Variants in PNPLA5 observed in about 807,000 individuals in gnomAD.
PNPLA5 encodes patatin-like phospholipase domain-containing protein 5.
A neutral mutation model predicts 49.1 loss-of-function variants in PNPLA5; 44 were observed. That is an observed-to-expected ratio of 0.90 (90% CI 0.70 to 1.15). The LOEUF (loss-of-function observed/expected upper bound fraction) is 1.15, where lower values mean the gene tolerates loss of function less well. PNPLA5 is among the 50% of genes most tolerant of loss of function. PNPLA5 has a pLI of 0.00. For synonymous variants in PNPLA5, 243 were observed against 244.4 expected, an observed-to-expected ratio of 0.99 and a Z score of 0.06; for missense variants, 603 against 564.0, an observed-to-expected ratio of 1.07 and a Z score of -0.70.
rs1441207031 is a variant in PNPLA5, at chr22:43,891,934, G to A, written c.-54C>T. On this transcript the variant is annotated 5_prime_UTR_variant, in exon 1 of 9. Transcript: ENST00000216177. ...ACGAGGAAGGGTCACTCCGTGACCC[G>A]GGATAGGGCCGGGATGCAGCCTTGG... is the stretch of plus-strand genomic sequence containing the variant. The A allele has an allele frequency of 2.1e-6, 3 of 1,458,792 alleles. No homozygotes were observed. In the Admixed American group the frequency reaches 8.7e-5, roughly 42 times the overall value. The allele number at this position is 1,458,792 out of a possible 1,614,324, so 90.4% of individuals were successfully genotyped here. A position where few individuals can be genotyped will look rare whatever the true frequency, so the allele number is the denominator to read the frequency against.
chr22:43,889,246 G>A (rs2049696957), intron 4 of PNPLA5, 83 bp downstream of exon 4: 1 of 1,483,730 alleles, frequency 6.7e-7, no homozygotes, highest in Admixed American at 1.8e-5. Context: ...GGGGGGCAGT[G>A]GGGGTTAGGA....
In PNPLA5 at chr22:43,889,522, G is replaced by A; in HGVS notation, c.509C>T (p.Ala170Val). ...EFRGERYIDG[A>V]LSNNLPFADC... ...TGCAAAGGGCAAGTTGTTGCTCAGA[G>A]CCCCATCGATGTAGCGCTGCAATTT... Residue 170 changes from alanine to valine, a missense_variant, in exon 4 of 9, where the codon GCT (alanine) becomes GTT (valine). Coordinates refer to ENST00000216177, the MANE Select transcript of PNPLA5 (RefSeq NM_138814.4). 6.2e-7 allele frequency: 1 copy of A among 1,611,376 alleles called. No individual in the cohort carries two copies. Among genetic ancestry groups the A allele is most frequent in the Non-Finnish European group, 8.5e-7 (1 of 1,178,304 alleles).
At chr22:43,887,792 C>G in intron 4 of PNPLA5, 141 bp from the exon 5 acceptor site, 1 of 1,346,568 alleles carries the variant, frequency 7.4e-7, no homozygotes, top group South Asian at 1.5e-5. Flanking sequence ...CAACAGGGCT[C>G]AGGGCAGGAG....
rs761712168 is a variant in PNPLA5, at chr22:43,889,462, T to C, written c.569A>G (p.His190Arg). The change falls in exon 4 of 9, where the codon CAT (histidine) becomes CGT (arginine). Residue 190 changes from histidine (H) to arginine (R), a missense_variant. Coordinates refer to ENST00000216177, the MANE Select transcript of PNPLA5 (RefSeq NM_138814.4). Reference sequence around the variant, plus strand: ...CTGGGGGCAGATGTCCACTGTCCCATGGAAGGGCGACACCGTGATGGTGGA... The same window carrying C: ...CTGGGGGCAGATGTCCACTGTCCCACGGAAGGGCGACACCGTGATGGTGGA... Reference protein sequence around the residue: ...CPSTITVSPFHGTVDICPQST... With the variant: ...CPSTITVSPFRGTVDICPQST... 9.3e-6 allele frequency: 15 copies of C among 1,613,328 alleles called. No homozygotes were observed. Among genetic ancestry groups the C allele is most frequent in the Non-Finnish European group, 1.3e-5 (15 of 1,179,816 alleles).
Position 43,886,261 on chromosome 22 carries a change from G to A in PNPLA5, c.949+42C>T, listed in dbSNP as rs897536853. On this transcript the variant is annotated intron_variant, in intron 6 of 8. Coordinates refer to ENST00000216177, the MANE Select transcript of PNPLA5 (RefSeq NM_138814.4). Reference sequence around the variant, plus strand: ...GGTCCCTGAGCCCGGGCCCCTGAGTGCAGGGCCCTGGTAGGTGAGCAAATG... The same window carrying A: ...GGTCCCTGAGCCCGGGCCCCTGAGTACAGGGCCCTGGTAGGTGAGCAAATG... 2 of 1,578,514 alleles carry A rather than the reference G, an allele frequency of 1.3e-6. 1 individual carries two copies. Among genetic ancestry groups the A allele is most frequent in the South Asian group, 2.4e-5 (2 of 84,454 alleles).
Position 43,891,848 on chromosome 22 carries a change from G to A in PNPLA5, c.33C>T (p.Asn11=). ...GGTAGCCGGCGCCGGAGAAGGACAG[G>A]TTCCATCTGCCCTCCTCCTCTAAGA... The part of the protein sequence containing the change: MGFLEEEGRW[N]LSFSGAGYLG... The change falls in exon 1 of 9, where the codon AAC becomes AAT. Residue 11 remains asparagine (N), a synonymous_variant. Coordinates refer to ENST00000216177, the MANE Select transcript of PNPLA5 (RefSeq NM_138814.4). 1 of 1,522,740 alleles carries A rather than the reference G, an allele frequency of 6.6e-7. No individual in the cohort carries two copies. The highest frequency in any genetic ancestry group is 2.5e-5 in the East Asian group (1 of 40,282). 94.3% of individuals were successfully genotyped at this position (1,522,740 alleles called of 1,614,324 possible).
chr22:43,891,918 G>T lies in PNPLA5; in HGVS notation c.-38C>A, dbSNP rs993695185. On this transcript the variant is annotated 5_prime_UTR_variant, in exon 1 of 9. Transcript: ENST00000216177. Reference sequence around the variant, plus strand: ...GGGCGGGGTGATCGGGACGAGGAAGGGTCACTCCGTGACCCGGGATAGGGC... The same window carrying T: ...GGGCGGGGTGATCGGGACGAGGAAGTGTCACTCCGTGACCCGGGATAGGGC... 6.0e-6 allele frequency: 9 copies of T among 1,494,218 alleles called. No individual in the cohort carries two copies. Among genetic ancestry groups the T allele is most frequent in the South Asian group, 1.3e-5 (1 of 77,068 alleles). The allele number at this position is 1,494,218 out of a possible 1,614,324, so 92.6% of individuals were successfully genotyped here. A position where few individuals can be genotyped will look rare whatever the true frequency, so the allele number is the denominator to read the frequency against.
In PNPLA5 at chr22:43,880,637, G is replaced by T; in HGVS notation, c.*158C>A. On this transcript the variant is annotated 3_prime_UTR_variant, in exon 9 of 9. Transcript: ENST00000216177. ...CTGGGTACACAGTGACCGGGGACAT[G>T]CTGACAGGCTGCGCCCCAAGGAACG... 2 of 650,076 alleles carry T rather than the reference G, an allele frequency of 3.1e-6. No individual in the cohort carries two copies. The highest frequency in any genetic ancestry group is 4.4e-6 in the Non-Finnish European group (2 of 455,204). The allele number at this position is 650,076 out of a possible 1,614,324, so 40.3% of individuals were successfully genotyped here. A position where few individuals can be genotyped will look rare whatever the true frequency, so the allele number is the denominator to read the frequency against.
chr22:43,887,571 A>G lies in PNPLA5; in HGVS notation c.763+20T>C, dbSNP rs1416483797. On this transcript the variant is annotated intron_variant, in intron 5 of 8. Coordinates refer to ENST00000216177, the MANE Select transcript of PNPLA5 (RefSeq NM_138814.4). The stretch of plus-strand genomic sequence containing the variant: ...ACCATGTGGGACATGATCCCCAGCC[A>G]CTGTGGGACTGCCACCTACCACGTC... 2 of 1,608,538 alleles carry G rather than the reference A, an allele frequency of 1.2e-6. No homozygotes were observed. The highest frequency in any genetic ancestry group is 2.2e-5 in the South Asian group (2 of 89,816).
intron 7 of PNPLA5, 98 bp downstream of exon 7, chr22:43,884,115 G>A (rs925386135): frequency 3.2e-5 from 13 of 404,954 alleles, no homozygotes; most frequent in East Asian, 7.1e-5. Context: ...CCACCCCGCC[G>A]AGCCCTACCC....
chr22:43,880,828 A>G lies in PNPLA5; in HGVS notation c.1257T>C (p.His419=), dbSNP rs969374182. 11 of 1,339,704 alleles carry G rather than the reference A, an allele frequency of 8.2e-6. No individual in the cohort carries two copies. Among genetic ancestry groups the G allele is most frequent in the African/African-American group, 3.0e-5 (2 of 66,480 alleles). The allele number at this position is 1,339,704 out of a possible 1,614,324, so 83.0% of individuals were successfully genotyped here. ...TSPLQPQIAP[H]REELGPTHQA is the part of the protein sequence containing the mutation. ...GGTGGGTGGGCCCGAGCTCCTCTCTATGAGGAGCTATCTGGGGTTGGAGGG... is the reference window on the plus strand; with the variant it reads ...GGTGGGTGGGCCCGAGCTCCTCTCTGTGAGGAGCTATCTGGGGTTGGAGGG... Residue 419 remains histidine, a synonymous_variant, in exon 9 of 9, where the codon CAT becomes CAC. Transcript: ENST00000216177.
chr22:43,883,348 G>A (rs1285225558), intron 7 of PNPLA5, among the ~76,000 whole-genome samples: 1 of 152,246 alleles, frequency 6.6e-6, no homozygotes, highest in Non-Finnish European at 1.5e-5. Context: ...AGCTGGGTCT[G>A]CGTCGGGGCT....
intron 7 of PNPLA5, among the ~76,000 whole-genome samples, chr22:43,882,493 C>T (rs773687002): frequency 7.9e-5 from 12 of 152,334 alleles, no homozygotes; most frequent in Middle Eastern, 3.4e-3. Flanking sequence ...TGTGGTGTGA[C>T]GGCAAGACAT....
chr22:43,891,659 C>T (rs1569507677), intron 1 of PNPLA5, 29 bp downstream of exon 1: 2 of 1,519,906 alleles, frequency 1.3e-6, no homozygotes, highest in Non-Finnish European at 1.8e-6. Context: ...TGTCCCCGCC[C>T]CTTTTCGCCC....
At position 43,889,337 on chromosome 22, in the gene PNPLA5, TG is replaced by T. The variant is rs1218927828; in HGVS notation, c.693del (p.Ser232AlafsTer4). 1 of 1,613,678 alleles carries T rather than the reference TG, an allele frequency of 6.2e-7. No homozygotes were observed. Among genetic ancestry groups the T allele is most frequent in the African/African-American group, 1.3e-5 (1 of 74,946 alleles). On this transcript the variant is annotated frameshift_variant, in exon 4 of 9. Transcript: ENST00000216177. LOFTEE classifies it high-confidence loss of function. Reference sequence around the variant, plus strand: ...CACAGGGCCAGACCTACCTCGAGGCTGGGGGGTATGAGACATATGAGCCCCA... The same window carrying T: ...CACAGGGCCAGACCTACCTCGAGGCTGGGGGTATGAGACATATGAGCCCCA... ...FFLGLICLIP[P>X]SLEVVADNCR... is the part of the protein sequence containing the mutation.
rs146499578 is a variant in PNPLA5, at chr22:43,883,279, C to T, written c.1082+934G>A. Among the ~76,000 whole-genome samples the T allele has an allele frequency of 2.0e-5, 3 of 152,234 alleles. No homozygotes were observed. In the East Asian group the frequency reaches 5.8e-4, roughly 29 times the overall value. ...CCTCTCCCAGGGAACCTCTAGGTGG[C>T]GCTGTAGTTACAGGTGAGTGTGTGA... On this transcript the variant is annotated intron_variant, in intron 7 of 8. Coordinates refer to ENST00000216177, the MANE Select transcript of PNPLA5 (RefSeq NM_138814.4).
intron 5 of PNPLA5, 139 bp downstream of exon 5, chr22:43,887,447 ACTCAG>A: frequency 1.0e-6 from 1 of 967,996 alleles, no homozygotes; most frequent in East Asian, 2.6e-5. Context: ...AGTCCCCAGT[ACTCAG>A]CTCAGGTCCA....
intron 4 of PNPLA5, among the ~76,000 whole-genome samples, chr22:43,888,144 G>T (rs1467644320): frequency 6.6e-6 from 1 of 152,192 alleles, no homozygotes; most frequent in Non-Finnish European, 1.5e-5. Context: ...GGCAAAGGGT[G>T]CTGTCCCCCT....
chr22:43,889,509 G>C lies in PNPLA5; in HGVS notation c.522C>G (p.Asn174Lys). Residue 174 changes from asparagine (N) to lysine (K), a missense_variant, in exon 4 of 9, where the codon AAC becomes AAG. Coordinates refer to ENST00000216177, the MANE Select transcript of PNPLA5 (RefSeq NM_138814.4). ...TGGAGGGGCAGTCTGCAAAGGGCAA[G>C]TTGTTGCTCAGAGCCCCATCGATGT... ...ERYIDGALSNNLPFADCPSTI... is the reference protein window; with the variant it reads ...ERYIDGALSNKLPFADCPSTI... 1.9e-6 allele frequency: 3 copies of C among 1,613,290 alleles called. No individual in the cohort carries two copies. The highest frequency in any genetic ancestry group is 2.2e-5 in the East Asian group (1 of 44,872).
Sources: allele counts gnomAD v4.1 joint callset (sites outside exome capture counted in the v4.1 genomes callset), GRCh38; gene constraint gnomAD v4.1.1; transcripts MANE v1.5; gene names NCBI Gene and HGNC (gene_info 2026-07-23, HGNC 2026-07-21).